C8orf76: variants seen among roughly 807,000 people sequenced by gnomAD.
The protein encoded by C8orf76 is uncharacterized protein C8orf76.
Under a neutral mutation model 38.1 loss-of-function variants are expected in C8orf76, and 46 were observed. That is an observed-to-expected ratio of 1.21 (90% CI 0.95 to 1.54). The LOEUF (loss-of-function observed/expected upper bound fraction) is 1.54, where lower values mean the gene tolerates loss of function less well. Ranked by LOEUF, C8orf76 falls within the 40% of genes most tolerant of loss-of-function variation. The pLI, the probability that C8orf76 is intolerant of heterozygous loss-of-function variation, is 0.00. For missense variants in C8orf76, 461 were observed against 441.6 expected, an observed-to-expected ratio of 1.04 and a Z score of -0.39; for synonymous variants, 166 against 167.5, an observed-to-expected ratio of 0.99 and a Z score of 0.07.
chr8:123,241,334 A>C lies in C8orf76; in HGVS notation c.13T>G (p.Cys5Gly), dbSNP rs1010557473. The C allele has an allele frequency of 6.4e-7, 1 of 1,564,684 alleles. No individual in the cohort carries two copies. Residue 5 changes from cysteine (C) to glycine (G), a missense_variant, in exon 1 of 6, where the codon TGC (cysteine) becomes GGC (glycine). By Grantham distance (159) the Cys-to-Gly change is radical (BLOSUM62 -3). Coordinates refer to ENST00000276704, the MANE Select transcript of C8orf76 (RefSeq NM_032847.3). ...TCGAACTCGCCGCCGAACAACCAGCACCCGGAATCCATCTCGCGCCCGCGG... is the reference window on the plus strand; with the variant it reads ...TCGAACTCGCCGCCGAACAACCAGCCCCCGGAATCCATCTCGCGCCCGCGG... Reference protein sequence around the residue: MDSGCWLFGGEFEDS... With the variant: MDSGGWLFGGEFEDS...
Position 123,237,906 on chromosome 8 carries a change from T to C in C8orf76, c.249A>G (p.Lys83=), listed in dbSNP as rs544633324. 2.5e-5 allele frequency: 41 copies of C among 1,613,988 alleles called. No individual in the cohort carries two copies. In the South Asian group the frequency reaches 4.2e-4, roughly 16 times the overall value. ...TCATGGCAAAATTGGTTGATGACAATTTTTCAGAGATACTGGAATACTCCT... is the reference window on the plus strand; with the variant it reads ...TCATGGCAAAATTGGTTGATGACAACTTTTCAGAGATACTGGAATACTCCT... ...ALQEYSSISE[K]LSSTNFAMKR... The change falls in exon 3 of 6, where the codon AAA becomes AAG. Residue 83 remains lysine, a synonymous_variant. Coordinates refer to ENST00000276704, the MANE Select transcript of C8orf76 (RefSeq NM_032847.3).
intron 5 of C8orf76, among the ~76,000 whole-genome samples, chr8:123,223,036 C>T (rs1049994442): frequency 5.3e-5 from 8 of 152,108 alleles, no homozygotes; most frequent in Non-Finnish European, 1.2e-4. Context: ...TATTGATTTT[C>T]TTGCAAGGAT....
At chr8:123,231,255 C>A in intron 4 of C8orf76, 45 bp downstream of exon 4, 1 of 1,554,756 alleles carries the variant, frequency 6.4e-7, no homozygotes, top group African/African-American at 1.4e-5. Context: ...AAAGCCTTTA[C>A]TCTGAGCTGA....
intron 2 of C8orf76, among the ~76,000 whole-genome samples, chr8:123,238,261 A>G (rs1305029546): frequency 6.6e-6 from 1 of 152,062 alleles, no homozygotes; most frequent in Non-Finnish European, 1.5e-5. Context: ...AGGAGATCTG[A>G]TAGTTTCATA....
intron 5 of C8orf76, among the ~76,000 whole-genome samples, chr8:123,224,259 T>G (rs1414691692): frequency 6.6e-6 from 1 of 152,130 alleles, no homozygotes; most frequent in African/African-American, 2.4e-5. Flanking sequence ...AAAAAGCATG[T>G]GATCATAGAA....
chr8:123,232,265 T>A (rs966596729), intron 3 of C8orf76, among the ~76,000 whole-genome samples: 2 of 152,250 alleles, frequency 1.3e-5, no homozygotes, highest in Non-Finnish European at 2.9e-5. Context: ...CCTGAAGCTC[T>A]CCATGCTTCA....
chr8:123,229,103 T>C (rs1023247575), intron 4 of C8orf76, among the ~76,000 whole-genome samples: 1 of 152,178 alleles, frequency 6.6e-6, no homozygotes, highest in Non-Finnish European at 1.5e-5. Context: ...AATGCTGCTC[T>C]TACCACCAGA....
At chr8:123,237,666 T>C in intron 3 of C8orf76, 132 bp downstream of exon 3, 1 of 1,283,698 alleles carries the variant, frequency 7.8e-7, no homozygotes, top group East Asian at 2.8e-5. Context: ...CTCACACCCC[T>C]GACAATTTTC....
intron 4 of C8orf76, among the ~76,000 whole-genome samples, chr8:123,228,389 G>A (rs920876227): frequency 1.6e-4 from 24 of 152,146 alleles, no homozygotes; most frequent in African/African-American, 5.8e-4. Flanking sequence ...GGGAGGCCGA[G>A]GCCAGTGGAT....
rs752785596 is a variant in C8orf76, at chr8:123,226,570, G to C, written c.878C>G (p.Thr293Ser). 12 of 1,613,084 alleles carry C rather than the reference G, an allele frequency of 7.4e-6. No individual in the cohort carries two copies. In the East Asian group the frequency reaches 2.0e-4, roughly 27 times the overall value. ...TSFALERNLR[T>S]QQEIEDKMKG... ...CATTTTATCTTCAATTTCCTGCTGA[G>C]TCCTTAAGTTCCTCTCCAAAGCAAA... is the stretch of plus-strand genomic sequence containing the variant. The change falls in exon 5 of 6, where the codon ACT becomes AGT. Residue 293 changes from threonine (T) to serine (S), a missense_variant. Thr to Ser is a moderately conservative substitution (Grantham distance 58). Coordinates refer to ENST00000276704, the MANE Select transcript of C8orf76 (RefSeq NM_032847.3).
At chr8:123,225,207 A>G (rs1212331278) in intron 5 of C8orf76, among the ~76,000 whole-genome samples, 2 of 152,124 alleles carry the variant, frequency 1.3e-5, no homozygotes, top group African/African-American at 4.8e-5. Context: ...GGGTTTCACC[A>G]TGTTGGCCAG....
intron 3 of C8orf76, among the ~76,000 whole-genome samples, chr8:123,235,720 A>G (rs1002507600): frequency 2.6e-5 from 4 of 152,146 alleles, no homozygotes; most frequent in Non-Finnish European, 2.9e-5. Context: ...GCTGATTGGC[A>G]ACAGATCCTT....
intron 5 of C8orf76, among the ~76,000 whole-genome samples, chr8:123,221,087 T>C (rs1183369539): frequency 2.6e-5 from 4 of 152,198 alleles, no homozygotes; most frequent in East Asian, 1.9e-4. Context: ...GGATATTGAA[T>C]GTGTTCATGA....
intron 5 of C8orf76, among the ~76,000 whole-genome samples, chr8:123,224,822 C>T (rs1185284219): frequency 1.3e-5 from 2 of 152,112 alleles, no homozygotes; most frequent in Non-Finnish European, 2.9e-5. Context: ...TATAAGGAAC[C>T]TAGTATCTAG....
At chr8:123,226,910 A>G (rs1825063517) in intron 4 of C8orf76, among the ~76,000 whole-genome samples, 1 of 152,206 alleles carries the variant, frequency 6.6e-6, no homozygotes. Context: ...ACCTGAAAAG[A>G]GCTTCCGGCC....
intron 3 of C8orf76, among the ~76,000 whole-genome samples, chr8:123,233,624 G>A (rs1294714261): frequency 7.2e-5 from 11 of 152,036 alleles, no homozygotes; most frequent in Non-Finnish European, 1.5e-4. Context: ...TTGAACTCCT[G>A]ACCTTCGCCC....
intron 5 of C8orf76, 44 bp downstream of exon 5, chr8:123,226,456 A>ATCTATGATGCTTCGTT (rs1825046750): frequency 6.2e-7 from 1 of 1,601,690 alleles, no homozygotes; most frequent in African/African-American, 1.3e-5. Context: ...CAGGGAAAAT[A>ATCTATGATGCTTCGTT]TCTATGATGC....
chr8:123,233,379 A>G (rs1825347746), intron 3 of C8orf76, among the ~76,000 whole-genome samples: 2 of 151,180 alleles, frequency 1.3e-5, no homozygotes, highest in African/African-American at 4.9e-5. Flanking sequence ...GTTACTCACA[A>G]ACTATGATCC....
Position 123,238,939 on chromosome 8 carries a change from A to G in C8orf76, c.213+110T>C, listed in dbSNP as rs1177881234. 13 of 1,115,804 alleles carry G rather than the reference A, an allele frequency of 1.2e-5. No individual in the cohort carries two copies. The East Asian group carries it at 1.9e-4, about 17-fold the overall frequency. 69.1% of individuals were successfully genotyped at this position (1,115,804 alleles called of 1,614,324 possible). A position where few individuals can be genotyped will look rare whatever the true frequency, so the allele number is the denominator to read the frequency against. On this transcript the variant is annotated intron_variant, in intron 2 of 5. Transcript: ENST00000276704. ...TCAGATTATAAACACACATCACAAAAGATTAAACTCATCTTCATAAACACC... is the reference window on the plus strand; with the variant it reads ...TCAGATTATAAACACACATCACAAAGGATTAAACTCATCTTCATAAACACC...
Sources: allele counts gnomAD v4.1 joint callset (sites outside exome capture counted in the v4.1 genomes callset), GRCh38; gene constraint gnomAD v4.1.1; transcripts MANE v1.5; gene names NCBI Gene and HGNC (gene_info 2026-07-23, HGNC 2026-07-21).